The following ZBTB7C variants were observed in gnomAD, a reference collection of about 807,000 sequenced individuals.
ZBTB7C encodes zinc finger and BTB domain containing 7C.
In ZBTB7C, 8 loss-of-function variants were observed where a neutral mutation model predicts 25.7. The ratio of observed to expected loss-of-function variants is 0.31; its 90% confidence interval spans 0.18 to 0.56. The LOEUF (loss-of-function observed/expected upper bound fraction) is 0.56. Ranked by LOEUF, ZBTB7C falls within the 20% of genes least tolerant of loss-of-function variation. ZBTB7C has a pLI of 0.91. For missense variants in ZBTB7C, 824 were observed against 855.2 expected (o/e 0.96, Z 0.46); for synonymous variants, 394 against 369.0 (o/e 1.07, Z -0.78).
At chr18:48,262,719 C>A (rs563496756) in intron 2 of ZBTB7C, among the ~76,000 whole-genome samples, 17 of 152,140 alleles carry the variant, frequency 1.1e-4, no homozygotes, top group Admixed American at 9.2e-4. Flanking sequence ...AATTTAAGTT[C>A]GAGAAGACTG....
At chr18:48,103,944 A>G (rs2038938753) in intron 3 of ZBTB7C, among the ~76,000 whole-genome samples, 1 of 152,186 alleles carries the variant, frequency 6.6e-6, no homozygotes, top group African/African-American at 2.4e-5. Context: ...TGCAGGTTAG[A>G]GGGAAATGGG....
chr18:48,359,298 G>A (rs1046896715), intron 1 of ZBTB7C, among the ~76,000 whole-genome samples: 1 of 152,034 alleles, frequency 6.6e-6, no homozygotes. Flanking sequence ...TTTCACCCTA[G>A]GGTGAAGGAA....
At chr18:48,164,447 A>C (rs2041173710) in intron 3 of ZBTB7C, among the ~76,000 whole-genome samples, 2 of 152,248 alleles carry the variant, frequency 1.3e-5, no homozygotes, top group South Asian at 2.1e-4. Context: ...CACAGTCACA[A>C]CACCACTCAT....
At chr18:48,178,479 A>C (rs1393920458) in intron 3 of ZBTB7C, among the ~76,000 whole-genome samples, 1 of 152,232 alleles carries the variant, frequency 6.6e-6, no homozygotes, top group Non-Finnish European at 1.5e-5. Flanking sequence ...AGGAAATTAA[A>C]AGAGAGAAAA....
chr18:48,079,628 A>G (rs148387654), intron 3 of ZBTB7C, among the ~76,000 whole-genome samples: 252 of 152,296 alleles, frequency 1.7e-3, no homozygotes, highest in African/African-American at 6.0e-3. Flanking sequence ...AGGGGCCACA[A>G]TGGCCTAAGG....
chr18:48,071,921 G>T (rs1237266009), intron 3 of ZBTB7C, among the ~76,000 whole-genome samples: 1 of 152,230 alleles, frequency 6.6e-6, no homozygotes, highest in Non-Finnish European at 1.5e-5. Context: ...CTTCTTGGAA[G>T]TACCTGGAAT....
intron 2 of ZBTB7C, among the ~76,000 whole-genome samples, chr18:48,255,318 T>C (rs1162482950): frequency 6.6e-6 from 1 of 152,110 alleles, no homozygotes; most frequent in South Asian, 2.1e-4. Context: ...GTTTAAAAAG[T>C]TAAGATATAG....
chr18:48,349,074 G>T (rs1324863265), intron 1 of ZBTB7C, among the ~76,000 whole-genome samples: 1 of 152,196 alleles, frequency 6.6e-6, no homozygotes, highest in Non-Finnish European at 1.5e-5. Flanking sequence ...GGGCCACAGG[G>T]TCAAGGGGGC....
intron 1 of ZBTB7C, among the ~76,000 whole-genome samples, chr18:48,362,875 C>G (rs150091462): frequency 6.6e-6 from 1 of 152,290 alleles, no homozygotes; most frequent in Non-Finnish European, 1.5e-5. Flanking sequence ...TTTACCAGGA[C>G]ACAACTGAGA....
intron 2 of ZBTB7C, among the ~76,000 whole-genome samples, chr18:48,208,549 C>G (rs1392738712): frequency 6.6e-6 from 1 of 152,200 alleles, no homozygotes; most frequent in Non-Finnish European, 1.5e-5. Flanking sequence ...GAGTCTCACC[C>G]AGATATGAGA....
chr18:48,331,083 C>T (rs1373252528), intron 2 of ZBTB7C, among the ~76,000 whole-genome samples: 12 of 152,042 alleles, frequency 7.9e-5, no homozygotes, highest in East Asian at 1.9e-4. Context: ...TCATTTGTCC[C>T]GGGGGCCAGA....
At chr18:48,184,507 C>A (rs12956321) in intron 3 of ZBTB7C, among the ~76,000 whole-genome samples, 31,688 of 152,024 alleles carry the variant, frequency 0.21, 3,548 homozygotes, top group South Asian at 0.28. Flanking sequence ...TGAGGCAGTA[C>A]CTTCAAGAGT....
chr18:48,110,814 G>A (rs986979343), intron 3 of ZBTB7C, among the ~76,000 whole-genome samples: 2 of 152,190 alleles, frequency 1.3e-5, no homozygotes, highest in Non-Finnish European at 2.9e-5. Context: ...GGCCCCAGGA[G>A]GGGGTTCAGG....
chr18:48,236,231 C>T (rs17744388), intron 2 of ZBTB7C, among the ~76,000 whole-genome samples: 4,472 of 152,310 alleles, frequency 0.029, 95 homozygotes, highest in Non-Finnish European at 0.045. Context: ...AACTCTGATT[C>T]CCTATGTCCA....
intron 2 of ZBTB7C, among the ~76,000 whole-genome samples, chr18:48,191,278 C>T (rs989332579): frequency 6.6e-6 from 1 of 152,188 alleles, no homozygotes; most frequent in African/African-American, 2.4e-5. Context: ...GGGTCTGTAG[C>T]TCCCAGGAGG....
At chr18:48,130,494 C>G (rs918277015) in intron 3 of ZBTB7C, among the ~76,000 whole-genome samples, 32 of 152,300 alleles carry the variant, frequency 2.1e-4, no homozygotes, top group African/African-American at 6.5e-4. Flanking sequence ...AAGAGCGTGA[C>G]TGTCTTACCA....
At chr18:48,377,361 G>A (rs2047544171) in intron 1 of ZBTB7C, among the ~76,000 whole-genome samples, 2 of 152,314 alleles carry the variant, frequency 1.3e-5, no homozygotes, top group Admixed American at 6.5e-5. Flanking sequence ...GGAAATAAAT[G>A]CAAAGTCTAT....
At chr18:48,397,074 G>A (rs8087061) in intron 1 of ZBTB7C, among the ~76,000 whole-genome samples, 17 of 152,068 alleles carry the variant, frequency 1.1e-4, no homozygotes, top group Non-Finnish European at 2.4e-4. Flanking sequence ...TTTGGCACTG[G>A]ACTAAAATAA....
intron 1 of ZBTB7C, among the ~76,000 whole-genome samples, chr18:48,354,177 G>GT (rs1340135756): frequency 6.6e-6 from 1 of 152,032 alleles, no homozygotes; most frequent in Admixed American, 6.6e-5. Flanking sequence ...GGTTTTTGTC[G>GT]TTTTGTGGTT....
Sources: allele counts gnomAD v4.1 joint callset (sites outside exome capture counted in the v4.1 genomes callset), GRCh38; gene constraint gnomAD v4.1.1; transcripts MANE v1.5; gene names NCBI Gene and HGNC (gene_info 2026-07-23, HGNC 2026-07-21).